Variants in ETHE1 observed in about 807,000 individuals in gnomAD.
ETHE1 encodes ETHE1 persulfide dioxygenase, also known as persulfide dioxygenase ETHE1, mitochondrial.
In ETHE1, 16 loss-of-function variants were observed where a neutral mutation model predicts 25.7. The observed-to-expected ratio is 0.62, with a 90% confidence interval of 0.42 to 0.95. The LOEUF (loss-of-function observed/expected upper bound fraction) is 0.95, where lower values mean the gene tolerates loss of function less well. Among genes scored for constraint, ETHE1 ranks in the 40% least tolerant of loss-of-function variants. ETHE1 has a pLI of 0.00. For missense variants in ETHE1, 300 were observed against 333.6 expected, an observed-to-expected ratio of 0.90 and a Z score of 0.79; for synonymous variants, 139 against 135.9, an observed-to-expected ratio of 1.02 and a Z score of -0.16.
chr19:43,511,419 G>A lies in ETHE1; in HGVS notation c.505+18C>T, dbSNP rs1216102009. ...GTAACTATATGAAGATCTTGGGCTG[G>A]ATAAAGGAGCTGGTCACCTTGCTGG... On this transcript the variant is annotated intron_variant, in intron 4 of 6. Coordinates refer to ENST00000292147, the MANE Select transcript of ETHE1 (RefSeq NM_014297.5). 4 of 1,614,056 alleles carry A rather than the reference G, an allele frequency of 2.5e-6. No homozygotes were observed. The South Asian group carries it at 4.4e-5, about 18-fold the overall frequency.
intron 3 of ETHE1, chr19:43,525,755 C>T (rs773175939): frequency 1.6e-5 from 4 of 257,618 alleles, no homozygotes; most frequent in Non-Finnish European, 3.1e-5. Context: ...AAATGTTGCA[C>T]TCCAGGGTCC....
chr19:43,524,235 A>AT (rs1381900561), intron 3 of ETHE1, among the ~76,000 whole-genome samples: 1 of 151,902 alleles, frequency 6.6e-6, no homozygotes, highest in Non-Finnish European at 1.5e-5. Context: ...AAACAAAAAA[A>AT]TTTGCTGGGC....
At position 43,517,949 on chromosome 19, in the gene ETHE1, C is replaced by CA. The variant is rs71169251; in HGVS notation, c.376-6384dup. Among the ~76,000 whole-genome samples the CA allele has an allele frequency of 1.7e-3, 178 of 104,916 alleles. 1 individual carries two copies. Among genetic ancestry groups the CA allele is most frequent in the Middle Eastern group, 6.7e-3 (1 of 150 alleles). The allele number at this position is 104,916 out of a possible 152,430, so 68.8% of individuals were successfully genotyped here. A position where few individuals can be genotyped will look rare whatever the true frequency, so the allele number is the denominator to read the frequency against. ...TGAGTGACAGAGCAACACTCCGTCT[C>CA]AAAAAAAAAAAACAAAAAACAAAAG... On this transcript the variant is annotated intron_variant, in intron 3 of 6. Transcript: ENST00000292147.
intron 4 of ETHE1, among the ~76,000 whole-genome samples, chr19:43,510,329 T>C (rs1293764072): frequency 6.7e-6 from 1 of 148,642 alleles, no homozygotes; most frequent in African/African-American, 2.5e-5. Context: ...CAACTTCTTT[T>C]TTTATCTTTT....
chr19:43,524,427 G>C (rs533967643), intron 3 of ETHE1, among the ~76,000 whole-genome samples: 243 of 151,872 alleles, frequency 1.6e-3, no homozygotes, highest in Admixed American at 4.9e-3. Flanking sequence ...AAGGCTGAGG[G>C]GGGAAAAGGG....
intron 3 of ETHE1, among the ~76,000 whole-genome samples, chr19:43,514,073 A>G (rs1048021981): frequency 6.6e-6 from 1 of 151,930 alleles, no homozygotes; most frequent in Admixed American, 6.6e-5. Context: ...AAATGAGTTG[A>G]GACTTTGGGG....
intron 3 of ETHE1, among the ~76,000 whole-genome samples, chr19:43,517,991 G>A (rs1343421676): frequency 1.3e-5 from 2 of 149,078 alleles, no homozygotes; most frequent in African/African-American, 4.9e-5. Flanking sequence ...TCCTCAGCTT[G>A]GGTGACAGAG....
At chr19:43,519,013 T>A (rs879459584) in intron 3 of ETHE1, among the ~76,000 whole-genome samples, 23,294 of 101,658 alleles carry the variant, frequency 0.23, 2,485 homozygotes, top group African/African-American at 0.25. Context: ...TTTTTTTTTT[T>A]TTTTTTTTTT....
chr19:43,525,134 A>AG (rs1482329960), intron 3 of ETHE1, among the ~76,000 whole-genome samples: 2 of 150,462 alleles, frequency 1.3e-5, no homozygotes, highest in African/African-American at 2.5e-5. Context: ...ATAAAAAAAA[A>AG]AAAGAAAGAA....
At chr19:43,515,412 C>T (rs1250489799) in intron 3 of ETHE1, among the ~76,000 whole-genome samples, 27 of 147,056 alleles carry the variant, frequency 1.8e-4, no homozygotes, top group African/African-American at 5.5e-4. Context: ...AGCAAAACTC[C>T]GCCTTAAAAA....
intron 3 of ETHE1, among the ~76,000 whole-genome samples, chr19:43,522,484 TA>T (rs927233498): frequency 2.0e-5 from 3 of 152,192 alleles, no homozygotes; most frequent in African/African-American, 7.2e-5. Flanking sequence ...TTTATTTATT[TA>T]TTTTTTTTGA....
At chr19:43,516,620 TTTC>T (rs1169350199) in intron 3 of ETHE1, among the ~76,000 whole-genome samples, 2 of 102,914 alleles carry the variant, frequency 1.9e-5, no homozygotes, top group African/African-American at 8.0e-5. Context: ...TCTTTCTTTT[TTTC>T]TTTTTTTTTT....
At chr19:43,512,132 T>C (rs1971931118) in intron 3 of ETHE1, among the ~76,000 whole-genome samples, 1 of 152,158 alleles carries the variant, frequency 6.6e-6, no homozygotes, top group Non-Finnish European at 1.5e-5. Context: ...TTTTTCTTTA[T>C]AAATGACCCA....
intron 3 of ETHE1, among the ~76,000 whole-genome samples, chr19:43,523,074 A>C (rs1220681513): frequency 6.6e-6 from 1 of 152,228 alleles, no homozygotes; most frequent in African/African-American, 2.4e-5. Context: ...TTATAATGTC[A>C]GAACAGGCAA....
chr19:43,516,620 T>C (rs979876033), intron 3 of ETHE1, among the ~76,000 whole-genome samples: 2 of 102,914 alleles, frequency 1.9e-5, no homozygotes, highest in Non-Finnish European at 4.0e-5. Flanking sequence ...TCTTTCTTTT[T>C]TTCTTTTTTT....
rs1223117540 is a variant in ETHE1, at chr19:43,522,489, T to A, written c.375+3712A>T. 3.9e-5 allele frequency among the ~76,000 whole-genome samples: 6 copies of A among 152,224 alleles called. No homozygotes were observed. The East Asian group carries it at 1.2e-3, about 29-fold the overall frequency. ...TATTTTTTATTTTATTTATTTATTT[T>A]TTTTGAAATGGAGTTTTGCTCTTGT... On this transcript the variant is annotated intron_variant, in intron 3 of 6. Transcript: ENST00000292147.
At chr19:43,520,498 C>A (rs996595253) in intron 3 of ETHE1, among the ~76,000 whole-genome samples, 3 of 151,946 alleles carry the variant, frequency 2.0e-5, no homozygotes, top group African/African-American at 7.2e-5. Flanking sequence ...CCCAGGAGGT[C>A]GAGGCCAGCC....
chr19:43,519,736 C>T (rs1488188579), intron 3 of ETHE1, among the ~76,000 whole-genome samples: 1 of 152,126 alleles, frequency 6.6e-6, no homozygotes, highest in African/African-American at 2.4e-5. Context: ...CCCTTCATTA[C>T]TCAAAACTAT....
intron 6 of ETHE1, among the ~76,000 whole-genome samples, chr19:43,507,194 G>A (rs1467388747): frequency 9.0e-5 from 8 of 89,362 alleles, no homozygotes; most frequent in Admixed American, 3.5e-4. Context: ...AGACCCAGGA[G>A]TCCAGTCCCC....
Sources: gnomAD v4.1 joint callset for allele counts (sites outside exome capture counted in the v4.1 genomes callset) on GRCh38, gnomAD v4.1.1 for gene constraint, MANE v1.5 for transcripts, NCBI Gene and HGNC (gene_info 2026-07-23, HGNC 2026-07-21) for gene names.